Variants in SEPTIN11 observed in about 807,000 individuals in gnomAD.
SEPTIN11 encodes septin-11.
A neutral mutation model predicts 51.4 loss-of-function variants in SEPTIN11; 25 were observed. The ratio of observed to expected loss-of-function variants is 0.49; its 90% CI spans 0.35 to 0.68. SEPTIN11 has a LOEUF of 0.68. Ranked by LOEUF, SEPTIN11 falls within the 30% of genes least tolerant of loss-of-function variation. The pLI is 0.00. For synonymous variants in SEPTIN11, 174 were observed against 184.1 expected, an observed-to-expected ratio of 0.95 and a Z score of 0.44; for missense variants, 381 against 520.8, an observed-to-expected ratio of 0.73 and a Z score of 2.61.
At chr4:77,033,520 T>C (rs1414501936) in intron 9 of SEPTIN11, among the ~76,000 whole-genome samples, 1 of 152,196 alleles carries the variant, frequency 6.6e-6, no homozygotes, top group African/African-American at 2.4e-5. Flanking sequence ...TGTATAACAT[T>C]TCCTAAGATG....
At position 76,974,765 on chromosome 4, in the gene SEPTIN11, A is replaced by G. The variant is rs140732655; in HGVS notation, c.28-21660A>G. 384 of 456,716 alleles carry G rather than the reference A, an allele frequency of 8.4e-4. 2 individuals are homozygous for G. Among genetic ancestry groups the G allele is most frequent in the African/African-American group, 6.8e-3 (342 of 50,194 alleles). The allele number at this position is 456,716 out of a possible 1,614,324, so 28.3% of individuals were successfully genotyped here. The stretch of plus-strand genomic sequence containing the variant: ...TGGAGCTGGGCTGCAGATGGAATGA[A>G]TCAAGTTTAACTTAGGTCCTCAATG... On this transcript the variant is annotated intron_variant, in intron 1 of 9. Coordinates refer to ENST00000264893, the MANE Select transcript of SEPTIN11 (RefSeq NM_018243.4).
intron 4 of SEPTIN11, among the ~76,000 whole-genome samples, chr4:77,012,471 C>T (rs901018291): frequency 6.6e-6 from 1 of 152,128 alleles, no homozygotes; most frequent in Non-Finnish European, 1.5e-5. Flanking sequence ...TTGCACCTTA[C>T]TATATATTAA....
chr4:77,006,719 T>G (rs941361004), intron 3 of SEPTIN11, among the ~76,000 whole-genome samples: 66 of 152,160 alleles, frequency 4.3e-4, no homozygotes, highest in Admixed American at 4.3e-3. Flanking sequence ...TCAGACACTT[T>G]GCTTGTATCA....
At chr4:77,028,565 G>C in intron 7 of SEPTIN11, 64 bp from the exon 8 acceptor site, 1 of 1,468,964 alleles carries the variant, frequency 6.8e-7, no homozygotes, top group Non-Finnish European at 9.1e-7. Flanking sequence ...TAGAAATTAT[G>C]TGAACTGAAA....
chr4:77,003,628 A>G (rs780941507), intron 2 of SEPTIN11, among the ~76,000 whole-genome samples: 11 of 152,242 alleles, frequency 7.2e-5, no homozygotes, highest in Non-Finnish European at 1.3e-4. Context: ...CTTTTATCCT[A>G]TAAGTGAATC....
chr4:76,994,879 ACTAAGTGATC>A (rs1384434408), intron 1 of SEPTIN11, among the ~76,000 whole-genome samples: 1 of 138,788 alleles, frequency 7.2e-6, no homozygotes, highest in Non-Finnish European at 1.5e-5. Flanking sequence ...GAAAACATTG[ACTAAGTGATC>A]CTGTACAAAG....
chr4:76,985,851 C>G (rs1247817207), intron 1 of SEPTIN11, among the ~76,000 whole-genome samples: 4 of 152,122 alleles, frequency 2.6e-5, no homozygotes, highest in Non-Finnish European at 4.4e-5. Context: ...AACAACAAGG[C>G]GCTTACAAAT....
At chr4:77,032,119 T>C (rs370862000) in intron 9 of SEPTIN11, 39 of 152,340 alleles carry the variant, frequency 2.6e-4, no homozygotes, top group African/African-American at 9.1e-4. Flanking sequence ...AGGAATCTCA[T>C]GTTGCCTGCA....
At chr4:77,012,463 G>A (rs1179085935) in intron 4 of SEPTIN11, among the ~76,000 whole-genome samples, 1 of 152,078 alleles carries the variant, frequency 6.6e-6, no homozygotes, top group Non-Finnish European at 1.5e-5. Flanking sequence ...ATAAAATTTT[G>A]CACCTTACTA....
Position 77,036,207 on chromosome 4 carries a change from A to C in SEPTIN11, c.*1695A>C. ...AACAAAGCTGGAATAGAAACTACAC[A>C]CTAGACACAGCAGTAGTCATAGTCT... On this transcript the variant is annotated 3_prime_UTR_variant, in exon 10 of 10. Coordinates refer to ENST00000264893, the MANE Select transcript of SEPTIN11 (RefSeq NM_018243.4). The C allele has an allele frequency of 1.0e-6, 1 of 991,954 alleles. No homozygotes were observed. The highest frequency in any genetic ancestry group is 1.2e-6 in the Non-Finnish European group (1 of 834,110). 61.4% of individuals were successfully genotyped at this position (991,954 alleles called of 1,614,324 possible).
At chr4:76,963,604 A>T (rs558546979) in intron 1 of SEPTIN11, among the ~76,000 whole-genome samples, 1 of 152,352 alleles carries the variant, frequency 6.6e-6, no homozygotes, top group South Asian at 2.1e-4. Context: ...ACAGTCGTCA[A>T]ATATGGCTTT....
At position 77,037,005 on chromosome 4, in the gene SEPTIN11, A is replaced by T; in HGVS notation, c.*2493A>T. ...TAAATATATTTAAAAGGCCACATTTATATTTTTTTCACAAGAACCACATAA... is the reference window on the plus strand; with the variant it reads ...TAAATATATTTAAAAGGCCACATTTTTATTTTTTTCACAAGAACCACATAA... On this transcript the variant is annotated 3_prime_UTR_variant, in exon 10 of 10. Coordinates refer to ENST00000264893, the MANE Select transcript of SEPTIN11 (RefSeq NM_018243.4). The T allele has an allele frequency of 1.6e-6, 2 of 1,255,172 alleles. No individual in the cohort carries two copies. Among genetic ancestry groups the T allele is most frequent in the Non-Finnish European group, 2.0e-6 (2 of 1,003,080 alleles). 77.8% of individuals were successfully genotyped at this position (1,255,172 alleles called of 1,614,324 possible). A position where few individuals can be genotyped will look rare whatever the true frequency, so the allele number is the denominator to read the frequency against.
At chr4:77,000,388 G>A (rs551059230) in intron 2 of SEPTIN11, among the ~76,000 whole-genome samples, 1 of 152,290 alleles carries the variant, frequency 6.6e-6, no homozygotes, top group Admixed American at 6.5e-5. Flanking sequence ...TAAAACGAAT[G>A]AAGATAAAAT....
chr4:76,993,700 G>GCT (rs1723504442), intron 1 of SEPTIN11, among the ~76,000 whole-genome samples: 5 of 152,192 alleles, frequency 3.3e-5, no homozygotes, highest in Admixed American at 3.3e-4. Flanking sequence ...TTAATACTGG[G>GCT]CAGAGAATTA....
At chr4:76,982,212 CT>C (rs199895477) in intron 1 of SEPTIN11, among the ~76,000 whole-genome samples, 1,698 of 143,900 alleles carry the variant, frequency 0.012, 14 homozygotes, top group African/African-American at 0.032. Flanking sequence ...CTATTCAAAT[CT>C]TTTTTTTTTT....
chr4:77,015,422 C>T (rs1204851035), intron 5 of SEPTIN11, among the ~76,000 whole-genome samples: 1 of 152,164 alleles, frequency 6.6e-6, no homozygotes, highest in Non-Finnish European at 1.5e-5. Context: ...TTTCTATTTT[C>T]CCTATACTTT....
At chr4:76,991,873 A>G (rs1462056878) in intron 1 of SEPTIN11, among the ~76,000 whole-genome samples, 1 of 152,242 alleles carries the variant, frequency 6.6e-6, no homozygotes, top group African/African-American at 2.4e-5. Context: ...TGCTTTGAGC[A>G]GTGGGTATTT....
Position 77,036,650 on chromosome 4 carries a change from C to CT in SEPTIN11, c.*2148dup, listed in dbSNP as rs533597237. On this transcript the variant is annotated 3_prime_UTR_variant, in exon 10 of 10. Coordinates refer to ENST00000264893, the MANE Select transcript of SEPTIN11 (RefSeq NM_018243.4). Reference sequence around the variant, plus strand: ...AAAAGTCAAAAGAAACAAATAGAAGCTTTTTTTTTTAAAAAATGTATTGCT... The same window carrying CT: ...AAAAGTCAAAAGAAACAAATAGAAGCTTTTTTTTTTTAAAAAATGTATTGCT... The CT allele has an allele frequency of 4.9e-3, 6,841 of 1,395,336 alleles. 79 individuals carry two copies. In the African/African-American group the frequency reaches 0.057, roughly 12 times the overall value. 86.4% of individuals were successfully genotyped at this position (1,395,336 alleles called of 1,614,324 possible). A position where few individuals can be genotyped will look rare whatever the true frequency, so the allele number is the denominator to read the frequency against.
At chr4:77,020,804 T>C in intron 7 of SEPTIN11, 134 bp downstream of exon 7, 1 of 753,040 alleles carries the variant, frequency 1.3e-6, no homozygotes, top group South Asian at 2.0e-5. Flanking sequence ...ATACATATGT[T>C]GTCAGGCATT....
Sources: allele counts gnomAD v4.1 joint callset (sites outside exome capture counted in the v4.1 genomes callset), GRCh38; gene constraint gnomAD v4.1.1; transcripts MANE v1.5; gene names NCBI Gene and HGNC (gene_info 2026-07-23, HGNC 2026-07-21).